EPHA6: variants seen among roughly 807,000 people sequenced by gnomAD.
EPHA6 encodes EPH receptor A6, also known as ephrin type-A receptor 6.
EPHA6 carries 50 observed loss-of-function variants against 112.0 expected under a neutral mutation model. That is an observed-to-expected ratio of 0.45 (90% CI 0.36 to 0.56). The LOEUF is 0.56. Ranked by LOEUF, EPHA6 falls within the 20% of genes least tolerant of loss-of-function variation. The pLI is 0.00. For synonymous variants in EPHA6, 529 were observed against 490.7 expected, an observed-to-expected ratio of 1.08 and a Z score of -1.03; for missense variants, 1,280 against 1,417.4, an observed-to-expected ratio of 0.90 and a Z score of 1.56.
At position 96,932,007 on chromosome 3, in the gene EPHA6, C is replaced by T. The variant is rs549227994; in HGVS notation, c.451-55323C>T. On this transcript the variant is annotated intron_variant, in intron 2 of 17. Coordinates refer to ENST00000389672, the MANE Select transcript of EPHA6 (RefSeq NM_001080448.3). ...ACCCTAGGCCCTCATGCCGTGGGCTCATGAGGGGATATCCTGATCTATGTT... is the reference window on the plus strand; with the variant it reads ...ACCCTAGGCCCTCATGCCGTGGGCTTATGAGGGGATATCCTGATCTATGTT... Among the ~76,000 whole-genome samples, 6 of 152,190 alleles carry T rather than the reference C, an allele frequency of 3.9e-5. No individual in the cohort carries two copies. The South Asian group carries it at 1.0e-3, about 26-fold the overall frequency.
intron 2 of EPHA6, among the ~76,000 whole-genome samples, chr3:96,924,315 G>A (rs958452284): frequency 9.9e-5 from 15 of 152,040 alleles, no homozygotes; most frequent in African/African-American, 3.6e-4. Context: ...TGTCGTCTCT[G>A]ATTTCTTTGA....
At chr3:97,304,884 C>T (rs919304855) in intron 5 of EPHA6, among the ~76,000 whole-genome samples, 10 of 152,030 alleles carry the variant, frequency 6.6e-5, no homozygotes, top group African/African-American at 2.2e-4. Flanking sequence ...CAAAAATTGA[C>T]AAATGGGGTC....
chr3:96,828,786 G>T (rs2033830111), intron 1 of EPHA6, among the ~76,000 whole-genome samples: 1 of 152,104 alleles, frequency 6.6e-6, no homozygotes, highest in Non-Finnish European at 1.5e-5. Flanking sequence ...TGGTGGTTTT[G>T]CACAGCCACC....
chr3:97,707,202 T>C (rs1460359566), intron 14 of EPHA6, among the ~76,000 whole-genome samples: 1 of 152,202 alleles, frequency 6.6e-6, no homozygotes, highest in Non-Finnish European at 1.5e-5. Flanking sequence ...TACACCACTT[T>C]CCTAATTCAT....
intron 5 of EPHA6, among the ~76,000 whole-genome samples, chr3:97,393,394 A>G (rs1293942221): frequency 6.6e-6 from 1 of 151,890 alleles, no homozygotes; most frequent in Non-Finnish European, 1.5e-5. Flanking sequence ...AACAGCAGCT[A>G]AAGACAAGCT....
At chr3:97,388,963 C>T (rs2086239795) in intron 5 of EPHA6, among the ~76,000 whole-genome samples, 1 of 152,074 alleles carries the variant, frequency 6.6e-6, no homozygotes, top group Non-Finnish European at 1.5e-5. Flanking sequence ...AAACGTCCAG[C>T]AATCAGAGGC....
intron 3 of EPHA6, among the ~76,000 whole-genome samples, chr3:97,058,238 T>C (rs1256522717): frequency 6.6e-6 from 1 of 152,072 alleles, no homozygotes; most frequent in African/African-American, 2.4e-5. Flanking sequence ...AGCCAACCAG[T>C]GCTTTTTACC....
intron 14 of EPHA6, among the ~76,000 whole-genome samples, chr3:97,643,239 G>A (rs1237800701): frequency 6.7e-6 from 1 of 149,244 alleles, no homozygotes; most frequent in South Asian, 2.1e-4. Flanking sequence ...ACAAGCAAAT[G>A]CTGAGAGATT....
chr3:97,566,142 G>A (rs1177563965), intron 11 of EPHA6, among the ~76,000 whole-genome samples: 2 of 152,148 alleles, frequency 1.3e-5, no homozygotes, highest in Admixed American at 6.6e-5. Context: ...GTGGTGGAAG[G>A]TAGCAAGTGC....
At chr3:97,180,772 C>G (rs2076965737) in intron 3 of EPHA6, among the ~76,000 whole-genome samples, 3 of 152,048 alleles carry the variant, frequency 2.0e-5, no homozygotes, top group South Asian at 4.1e-4. Context: ...TCTCCTTAAG[C>G]AGAAGGAAGG....
At chr3:96,935,815 A>G (rs1285353590) in intron 2 of EPHA6, among the ~76,000 whole-genome samples, 1 of 150,834 alleles carries the variant, frequency 6.6e-6, no homozygotes, top group East Asian at 1.9e-4. Context: ...ACACATGCCT[A>G]TTTTCAAATA....
chr3:96,868,616 T>TTA (rs2036461061), intron 2 of EPHA6, among the ~76,000 whole-genome samples: 1 of 151,968 alleles, frequency 6.6e-6, no homozygotes, highest in Non-Finnish European at 1.5e-5. Context: ...CAATTACACT[T>TTA]TTACATAGAC....
At chr3:96,908,724 G>T (rs920735082) in intron 2 of EPHA6, among the ~76,000 whole-genome samples, 6 of 151,806 alleles carry the variant, frequency 4.0e-5, no homozygotes, top group African/African-American at 1.5e-4. Context: ...TTTAAAGAAG[G>T]GAAAGTAGGT....
intron 14 of EPHA6, among the ~76,000 whole-genome samples, chr3:97,701,810 C>T (rs555223423): frequency 9.9e-5 from 15 of 152,138 alleles, no homozygotes; most frequent in African/African-American, 2.7e-4. Context: ...TTTTCCATAA[C>T]CCCTCAACTA....
chr3:97,460,892 G>A (rs888322164), intron 7 of EPHA6, among the ~76,000 whole-genome samples: 1 of 152,122 alleles, frequency 6.6e-6, no homozygotes, highest in South Asian at 2.1e-4. Context: ...AAAACATGCT[G>A]CAAGCCAAGC....
chr3:97,418,908 G>C (rs2088361968), intron 6 of EPHA6, among the ~76,000 whole-genome samples: 1 of 152,178 alleles, frequency 6.6e-6, no homozygotes, highest in African/African-American at 2.4e-5. Context: ...ATAGCATAGA[G>C]TGTGGCATCC....
rs774521290 is a variant in EPHA6, at chr3:96,882,768, G to GTGTGTGTGTGTA, written c.450+15880_450+15881insGTGTGTGTGTAT. ...TGTGTGTGTGTGTGTGTGTGTGTGT[G>GTGTGTGTGTGTA]TATAGTCAATCATCAATCTATGTGA... On this transcript the variant is annotated intron_variant, in intron 2 of 17. Coordinates refer to ENST00000389672, the MANE Select transcript of EPHA6 (RefSeq NM_001080448.3). Among the ~76,000 whole-genome samples the GTGTGTGTGTGTA allele has an allele frequency of 2.8e-4, 42 of 148,900 alleles. 3 individuals carry two copies. The East Asian group carries it at 3.0e-3, about 11-fold the overall frequency.
rs1326355519 is a variant in EPHA6, at chr3:97,759,192, G to C, written c.*10491G>C. On this transcript the variant is annotated 3_prime_UTR_variant, in exon 18 of 18. Coordinates refer to ENST00000389672, the MANE Select transcript of EPHA6 (RefSeq NM_001080448.3). ...TTTAAGAAGTCAAGATTAGAACAAA[G>C]ACATGTCCATGGGAATTAGCAACAT... Among the ~76,000 whole-genome samples, 1 of 151,922 alleles carries C rather than the reference G, an allele frequency of 6.6e-6. No individual in the cohort carries two copies. Among genetic ancestry groups the C allele is most frequent in the Non-Finnish European group, 1.5e-5 (1 of 67,884 alleles).
At chr3:97,016,121 A>G (rs560089994) in intron 3 of EPHA6, among the ~76,000 whole-genome samples, 53 of 151,708 alleles carry the variant, frequency 3.5e-4, no homozygotes, top group Non-Finnish European at 5.7e-4. Flanking sequence ...AACATTGAAG[A>G]TATGTGTCTT....
Sources: allele counts gnomAD v4.1 joint callset (sites outside exome capture counted in the v4.1 genomes callset), GRCh38; gene constraint gnomAD v4.1.1; transcripts MANE v1.5; gene names NCBI Gene and HGNC (gene_info 2026-07-23, HGNC 2026-07-21).